PDE10A: variants seen among roughly 807,000 people sequenced by gnomAD.
The protein encoded by PDE10A is cAMP and cAMP-inhibited cGMP 3',5'-cyclic phosphodiesterase 10A.
A neutral mutation model predicts 97.7 loss-of-function variants in PDE10A; 39 were observed. The ratio of observed to expected loss-of-function variants is 0.40; its 90% CI spans 0.31 to 0.52. The LOEUF is 0.52. Among genes scored for constraint, PDE10A ranks in the 20% least tolerant of loss-of-function variants. The probability of loss-of-function intolerance (pLI) is 0.56; values close to 1 mark genes in which losing one functional copy is unlikely to be tolerated. For synonymous variants in PDE10A, 371 were observed against 376.8 expected, an observed-to-expected ratio of 0.98 and a Z score of 0.18; for missense variants, 731 against 1,047.8, an observed-to-expected ratio of 0.70 and a Z score of 4.17.
At chr6:165,811,495 GCTT>G (rs1002880700) in intron 1 of PDE10A, among the ~76,000 whole-genome samples, 7 of 152,156 alleles carry the variant, frequency 4.6e-5, no homozygotes, top group African/African-American at 1.7e-4. Flanking sequence ...GGCCCATTCT[GCTT>G]CTTATGTCCT....
intron 1 of PDE10A, among the ~76,000 whole-genome samples, chr6:165,895,885 T>C (rs1476636292): frequency 6.6e-6 from 1 of 152,176 alleles, no homozygotes; most frequent in African/African-American, 2.4e-5. Context: ...TCCTGGCTTC[T>C]GGACACACAA....
At chr6:165,958,162 G>A (rs1784195738) in intron 1 of PDE10A, among the ~76,000 whole-genome samples, 1 of 152,106 alleles carries the variant, frequency 6.6e-6, no homozygotes, top group African/African-American at 2.4e-5. Context: ...GCGTCTCCGG[G>A]AACAATCTGC....
rs147751080 is a variant in PDE10A at position 165,685,608 on chromosome 6, C to T, written c.-614-142040G>A. On this transcript the variant is annotated intron_variant, in intron 1 of 19. Coordinates refer to the PDE10A transcript ENST00000366882. ...AATGTTTTGTGTATGTTCCTGGCAG[C>T]TTCTCCATCACAGCCCACACTCCTC... 3.3e-5 allele frequency among the ~76,000 whole-genome samples: 5 copies of T among 152,264 alleles called. No homozygotes were observed. The East Asian group carries it at 9.7e-4, about 30-fold the overall frequency.
At chr6:165,344,168 T>C (rs1416966370) in intron 18 of PDE10A, among the ~76,000 whole-genome samples, 1 of 152,182 alleles carries the variant, frequency 6.6e-6, no homozygotes, top group Non-Finnish European at 1.5e-5. Context: ...TCTGACTTTA[T>C]TTTCTAAATA....
intron 1 of PDE10A, among the ~76,000 whole-genome samples, chr6:165,624,677 G>A (rs1446090338): frequency 6.6e-6 from 1 of 152,142 alleles, no homozygotes; most frequent in Non-Finnish European, 1.5e-5. Context: ...ACTTCACTGA[G>A]CAGCAGCTCT....
chr6:165,619,064 G>A (rs373052272), intron 1 of PDE10A, among the ~76,000 whole-genome samples: 81 of 139,480 alleles, frequency 5.8e-4, no homozygotes, highest in African/African-American at 2.3e-3. Flanking sequence ...GTGGTGTAGT[G>A]TAGTGTAGTG....
intron 14 of PDE10A, among the ~76,000 whole-genome samples, chr6:165,395,942 C>A (rs1786126603): frequency 6.6e-6 from 1 of 152,004 alleles, no homozygotes; most frequent in African/African-American, 2.4e-5. Flanking sequence ...TGACAAAATT[C>A]TTGAATTTAA....
intron 1 of PDE10A, among the ~76,000 whole-genome samples, chr6:165,580,259 T>C (rs1408786870): frequency 2.0e-5 from 3 of 152,130 alleles, no homozygotes; most frequent in Admixed American, 2.0e-4. Flanking sequence ...GTCGGGTATG[T>C]CTTCTAGAAA....
At chr6:165,901,666 G>A (rs1453764617) in intron 1 of PDE10A, among the ~76,000 whole-genome samples, 2 of 152,162 alleles carry the variant, frequency 1.3e-5, no homozygotes, top group South Asian at 2.1e-4. Context: ...GCCACGCATG[G>A]TGGCACATGC....
chr6:165,830,900 A>C, intron 1 of PDE10A, among the ~76,000 whole-genome samples: 1 of 152,196 alleles, frequency 6.6e-6, no homozygotes, highest in East Asian at 1.9e-4. Context: ...CCATGATTGC[A>C]TCAGACCTAA....
At chr6:165,852,700 T>C (rs917218307) in intron 1 of PDE10A, among the ~76,000 whole-genome samples, 2 of 152,186 alleles carry the variant, frequency 1.3e-5, no homozygotes, top group African/African-American at 2.4e-5. Context: ...TTGGTGGCAT[T>C]ACTTCACTGT....
intron 1 of PDE10A, among the ~76,000 whole-genome samples, chr6:165,806,555 G>A (rs775199702): frequency 1.2e-4 from 19 of 152,280 alleles, no homozygotes; most frequent in Non-Finnish European, 2.2e-4. Flanking sequence ...GGCCTCACTC[G>A]TGGGATGTGC....
At chr6:165,460,869 A>T (rs988627533) in intron 3 of PDE10A, among the ~76,000 whole-genome samples, 1 of 152,184 alleles carries the variant, frequency 6.6e-6, no homozygotes, top group Non-Finnish European at 1.5e-5. Flanking sequence ...CTAAAAAAAA[A>T]TTTGCAAGGT....
chr6:165,576,594 G>A lies in PDE10A; in HGVS notation c.866-33026C>T, dbSNP rs550809013. 202 of 643,024 alleles carry A rather than the reference G, an allele frequency of 3.1e-4. No individual in the cohort carries two copies. In the African/African-American group the frequency reaches 3.3e-3, roughly 10 times the overall value. The allele number at this position is 643,024 out of a possible 1,614,324, so 39.8% of individuals were successfully genotyped here. A position where few individuals can be genotyped will look rare whatever the true frequency, so the allele number is the denominator to read the frequency against. ...TAACTAACAGATAATTCTCAGCATGGCTACACTTTAACCTACTTGAATCTT... is the reference window on the plus strand; with the variant it reads ...TAACTAACAGATAATTCTCAGCATGACTACACTTTAACCTACTTGAATCTT... On this transcript the variant is annotated intron_variant, in intron 1 of 21. Transcript: ENST00000539869.
chr6:165,822,992 C>A lies in PDE10A; in HGVS notation c.-615+164537G>T, dbSNP rs773209714. ...GAGACAACAGGCACCTGCCACCACG[C>A]CCGGCTAATTTTCGTATTTTTAGTA... On this transcript the variant is annotated intron_variant, in intron 1 of 19. Coordinates refer to the PDE10A transcript ENST00000366882. Among the ~76,000 whole-genome samples, 5 of 152,098 alleles carry A rather than the reference C, an allele frequency of 3.3e-5. No individual in the cohort carries two copies. In the South Asian group the frequency reaches 6.2e-4, roughly 19 times the overall value.
chr6:165,448,835 T>C, intron 5 of PDE10A, 93 bp downstream of exon 5: 1 of 773,140 alleles, frequency 1.3e-6, no homozygotes, highest in East Asian at 2.5e-5. Context: ...TGAAAAGTAC[T>C]TAATCATGAA....
chr6:165,852,627 T>G (rs1025572905), intron 1 of PDE10A, among the ~76,000 whole-genome samples: 1 of 152,178 alleles, frequency 6.6e-6, no homozygotes, highest in Admixed American at 6.5e-5. Context: ...CAGCCCACCA[T>G]GTGGAGAAGC....
chr6:165,574,275 A>C (rs981496061), intron 1 of PDE10A, among the ~76,000 whole-genome samples: 3 of 152,038 alleles, frequency 2.0e-5, no homozygotes, highest in African/African-American at 7.2e-5. Flanking sequence ...AAAAAAAGCA[A>C]TTTGTTAGAA....
chr6:165,796,091 C>CT (rs1168771487), intron 1 of PDE10A, among the ~76,000 whole-genome samples: 27,058 of 109,226 alleles, frequency 0.25, 4,231 homozygotes, highest in East Asian at 0.32. Flanking sequence ...TTTTTCTTTT[C>CT]TTTTTTTTTT....
Sources: gnomAD v4.1 joint callset for allele counts (sites outside exome capture counted in the v4.1 genomes callset) on GRCh38, gnomAD v4.1.1 for gene constraint, MANE v1.5 for transcripts, NCBI Gene and HGNC (gene_info 2026-07-23, HGNC 2026-07-21) for gene names.